The following RADIL variants were observed in gnomAD, a reference collection of about 807,000 sequenced individuals.
RADIL encodes the protein ras-associating and dilute domain-containing protein.
A neutral mutation model predicts 97.6 loss-of-function variants in RADIL; 99 were observed. That is an observed-to-expected ratio of 1.01 (90% CI 0.86 to 1.20). RADIL has a LOEUF of 1.20. RADIL is among the 50% of genes most tolerant of loss of function. RADIL has a pLI of 0.00. For synonymous variants in RADIL, 803 were observed against 691.8 expected, an observed-to-expected ratio of 1.16 and a Z score of -2.52; for missense variants, 1,765 against 1,498.9, an observed-to-expected ratio of 1.18 and a Z score of -2.93.
At chr7:4,862,671 C>T (rs1052263627) in intron 2 of RADIL, among the ~76,000 whole-genome samples, 17 of 152,104 alleles carry the variant, frequency 1.1e-4, no homozygotes, top group Non-Finnish European at 2.4e-4. Context: ...GAGGCCGAGG[C>T]GGGCAGATCA....
At chr7:4,802,936 C>A (rs1782159400) in intron 11 of RADIL, among the ~76,000 whole-genome samples, 1 of 114,140 alleles carries the variant, frequency 8.8e-6, no homozygotes. Flanking sequence ...GTCCCCTCCC[C>A]GGGCACCTCG....
intron 13 of RADIL, 88 bp downstream of exon 13, chr7:4,800,083 T>G (rs1782029382): frequency 2.0e-6 from 3 of 1,493,356 alleles, no homozygotes; most frequent in Non-Finnish European, 2.7e-6. Flanking sequence ...TGTAGCCACG[T>G]GGCCACGCAA....
In RADIL at chr7:4,877,570, C is replaced by A; in HGVS notation, c.535+35G>T. On this transcript the variant is annotated intron_variant, in intron 2 of 14. Coordinates refer to ENST00000399583, the MANE Select transcript of RADIL (RefSeq NM_018059.5). ...TCGGCTGGCCTTCTCAGCGCTCAGA[C>A]CCACGGCTCTTCCTGAACCTGTGGC... 3 of 1,560,644 alleles carry A rather than the reference C, an allele frequency of 1.9e-6. No individual in the cohort carries two copies. The South Asian group carries it at 3.7e-5, about 19-fold the overall frequency.
rs1034227501 is a variant in RADIL at position 4,797,288 on chromosome 7, T to G, written c.*2090A>C. ...CTTCCTTGGGGTGATGCCAAGAGCT[T>G]CTTTCCATGGATGCTGAGTTCCAGG... On this transcript the variant is annotated 3_prime_UTR_variant, in exon 15 of 15. Coordinates refer to ENST00000399583, the MANE Select transcript of RADIL (RefSeq NM_018059.5). 11 of 152,268 alleles carry G rather than the reference T, an allele frequency of 7.2e-5. No homozygotes were observed. Among genetic ancestry groups the G allele is most frequent in the Admixed American group, 6.5e-5 (1 of 15,286 alleles). 9.4% of individuals were successfully genotyped at this position (152,268 alleles called of 1,614,324 possible). A position where few individuals can be genotyped will look rare whatever the true frequency, so the allele number is the denominator to read the frequency against.
At chr7:4,836,075 G>A (rs546315416) in intron 3 of RADIL, among the ~76,000 whole-genome samples, 1 of 152,342 alleles carries the variant, frequency 6.6e-6, no homozygotes, top group South Asian at 2.1e-4. Context: ...GGGAAGGCGT[G>A]AGGAGTTCTC....
intron 2 of RADIL, among the ~76,000 whole-genome samples, chr7:4,874,694 C>G (rs1034332508): frequency 2.6e-5 from 4 of 152,234 alleles, no homozygotes; most frequent in South Asian, 2.1e-4. Context: ...CCGCCACGAG[C>G]TTAGACAGGC....
chr7:4,823,631 G>A (rs1583283491), intron 5 of RADIL, among the ~76,000 whole-genome samples: 2 of 152,158 alleles, frequency 1.3e-5, no homozygotes, highest in African/African-American at 4.8e-5. Context: ...AGGGGATGAC[G>A]GCATCATCAG....
At chr7:4,870,491 G>C (rs1162624056) in intron 2 of RADIL, among the ~76,000 whole-genome samples, 2 of 152,154 alleles carry the variant, frequency 1.3e-5, no homozygotes, top group South Asian at 4.1e-4. Flanking sequence ...GCCCAGGCTG[G>C]AGTGCAGTGG....
chr7:4,860,038 G>A (rs761410499), intron 2 of RADIL: 19 of 1,613,880 alleles, frequency 1.2e-5, no homozygotes, highest in Admixed American at 6.7e-5. Flanking sequence ...GAATACTTTC[G>A]TTTAATGCAA....
intron 9 of RADIL, chr7:4,809,480 C>G (rs1052251606): frequency 1.0e-6 from 1 of 985,386 alleles, no homozygotes; most frequent in African/African-American, 1.7e-5. Flanking sequence ...CCGAGGAACA[C>G]GCTTGTGTGT....
intron 9 of RADIL, among the ~76,000 whole-genome samples, chr7:4,808,146 C>T (rs1055037296): frequency 3.1e-5 from 4 of 131,036 alleles, no homozygotes; most frequent in South Asian, 2.8e-4. Flanking sequence ...CTCTCTCCCC[C>T]GTCCTTCTCT....
Position 4,837,464 on chromosome 7 carries a change from C to T in RADIL, c.536-859G>A, listed in dbSNP as rs1419939131. ...ACATCACCCCAGCCCATGGGGCTGCCGATGGCCTGCTCCTGCAACAGCATC... is the reference window on the plus strand; with the variant it reads ...ACATCACCCCAGCCCATGGGGCTGCTGATGGCCTGCTCCTGCAACAGCATC... On this transcript the variant is annotated intron_variant, in intron 2 of 14. Coordinates refer to ENST00000399583, the MANE Select transcript of RADIL (RefSeq NM_018059.5). The surrounding 1 kb of genome is among the most constrained non-coding windows in gnomAD (Gnocchi z 5.6). Among the ~76,000 whole-genome samples the T allele has an allele frequency of 1.3e-5, 2 of 152,212 alleles. No homozygotes were observed. Among genetic ancestry groups the T allele is most frequent in the Non-Finnish European group, 2.9e-5 (2 of 68,036 alleles).
intron 9 of RADIL, chr7:4,808,889 C>T: frequency 5.1e-6 from 4 of 786,184 alleles, no homozygotes; most frequent in Non-Finnish European, 5.8e-6. Context: ...AACGCCACTG[C>T]CCCCCGTTCC....
At chr7:4,826,559 C>G (rs79601389) in intron 5 of RADIL, among the ~76,000 whole-genome samples, 28,307 of 151,600 alleles carry the variant, frequency 0.19, 3,321 homozygotes, top group Admixed American at 0.25. Context: ...ATGGTGAACC[C>G]CTGTCTCTAC....
chr7:4,833,732 A>T (rs1783212238), intron 4 of RADIL, among the ~76,000 whole-genome samples: 1 of 152,124 alleles, frequency 6.6e-6, no homozygotes, highest in South Asian at 2.1e-4. Flanking sequence ...CTCTGAACGA[A>T]CTTGAACAAC....
chr7:4,819,296 TC>T lies in RADIL; in HGVS notation c.1616-1946del, dbSNP rs1782765792. Among the ~76,000 whole-genome samples the T allele has an allele frequency of 1.3e-5, 2 of 151,750 alleles. No individual in the cohort carries two copies. Among genetic ancestry groups the T allele is most frequent in the Admixed American group, 1.3e-4 (2 of 15,244 alleles). Reference sequence around the variant, plus strand: ...CATGTTGGCCAGGCTGGTCTCAAACTCCTGACCTCATGTGATCTGCCTGCCT... The same window carrying T: ...CATGTTGGCCAGGCTGGTCTCAAACTCTGACCTCATGTGATCTGCCTGCCT... On this transcript the variant is annotated intron_variant, in intron 6 of 14. Transcript: ENST00000399583. The surrounding 1 kb of genome is among the most constrained non-coding windows in gnomAD (Gnocchi z 5.8).
Position 4,822,299 on chromosome 7 carries a change from A to G in RADIL, c.1615+95T>C. On this transcript the variant is annotated intron_variant, in intron 6 of 14. Coordinates refer to ENST00000399583, the MANE Select transcript of RADIL (RefSeq NM_018059.5). The surrounding 1 kb of genome is among the most constrained non-coding windows in gnomAD (Gnocchi z 5.3). ...CCCCCGGCATGAATCCACCCCTGCT[A>G]TCATGGCCAACTAGGTTCCGAGGAC... The G allele has an allele frequency of 2.2e-6, 3 of 1,395,102 alleles. No individual in the cohort carries two copies. The highest frequency in any genetic ancestry group is 2.9e-6 in the Non-Finnish European group (3 of 1,042,120). 86.4% of individuals were successfully genotyped at this position (1,395,102 alleles called of 1,614,324 possible).
intron 9 of RADIL, among the ~76,000 whole-genome samples, chr7:4,810,638 C>T (rs539732748): frequency 1.3e-5 from 2 of 152,360 alleles, no homozygotes; most frequent in East Asian, 3.9e-4. Flanking sequence ...GCGAGGGACC[C>T]ACGGAAGCAT....
chr7:4,822,461 G>T lies in RADIL; in HGVS notation c.1548C>A (p.Leu516=). 1 of 1,613,070 alleles carries T rather than the reference G, an allele frequency of 6.2e-7. No homozygotes were observed. The highest frequency in any genetic ancestry group is 8.5e-7 in the Non-Finnish European group (1 of 1,179,994). Residue 516 remains leucine (L), a synonymous_variant, in exon 6 of 15, where the codon CTC becomes CTA. Coordinates refer to ENST00000399583, the MANE Select transcript of RADIL (RefSeq NM_018059.5). This position sits in a 1 kb window ranked among gnomAD's most constrained non-coding sequence, Gnocchi z 5.3. ...ILFWMSNSIE[L]LYFIQQKCPL... is the part of the protein sequence containing the mutation. ...GGCATTTCTGCTGGATAAAGTACAG[G>T]AGCTCGATGGAGTTAGACATCCAGA...
Sources: allele counts gnomAD v4.1 joint callset (sites outside exome capture counted in the v4.1 genomes callset), GRCh38; gene constraint gnomAD v4.1.1; non-coding constraint Gnocchi (gnomAD v3.1); transcripts MANE v1.5; gene names NCBI Gene and HGNC (gene_info 2026-07-23, HGNC 2026-07-21).